The following SPATA3 variants were observed in gnomAD, a reference collection of about 807,000 sequenced individuals.
SPATA3 encodes spermatogenesis associated 3.
Under a neutral mutation model 5.7 loss-of-function variants are expected in SPATA3, and 6 were observed. The observed-to-expected ratio is 1.06, with a 90% CI of 0.58 to 2.09. SPATA3 has a LOEUF of 2.09. SPATA3 is among the 30% of genes most tolerant of loss of function. The pLI, the probability that SPATA3 is intolerant of heterozygous loss-of-function variation, is 0.00. For synonymous variants in SPATA3, 44 were observed against 48.4 expected, an observed-to-expected ratio of 0.91 and a Z score of 0.37; for missense variants, 155 against 130.4, an observed-to-expected ratio of 1.19 and a Z score of -0.92.
At chr2:231,010,117 A>G (rs1692744212), downstream of SPATA3, among the ~76,000 whole-genome samples, 1 of 152,262 alleles carries the variant, frequency 6.6e-6, no homozygotes, top group African/African-American at 2.4e-5. Flanking sequence ...CCTGCAAGTT[A>G]TAGGGGCCAA....
At chr2:231,005,683 C>T (rs1692600404), downstream of SPATA3, among the ~76,000 whole-genome samples, 1 of 150,346 alleles carries the variant, frequency 6.7e-6, no homozygotes. Context: ...ACCTCTATCA[C>T]CAGGCCCTGC....
chr2:231,008,123 G>A (rs1487565336), downstream of SPATA3, among the ~76,000 whole-genome samples: 2 of 152,210 alleles, frequency 1.3e-5, no homozygotes, highest in East Asian at 3.9e-4. Flanking sequence ...CTGGGGCGTC[G>A]TGGGATGGGA....
intron 5 of SPATA3, among the ~76,000 whole-genome samples, chr2:231,013,582 C>G (rs1692848083): frequency 6.6e-6 from 1 of 152,064 alleles, no homozygotes; most frequent in Non-Finnish European, 1.5e-5. Flanking sequence ...TCTCCACCTC[C>G]CAGGTTCAAG....
downstream of SPATA3, among the ~76,000 whole-genome samples, chr2:231,008,222 C>T (rs1047778284): frequency 6.6e-6 from 1 of 152,090 alleles, no homozygotes; most frequent in East Asian, 1.9e-4. Context: ...AGAAAGGCTG[C>T]GAGGAGGGAG....
downstream of SPATA3, among the ~76,000 whole-genome samples, chr2:231,004,849 G>GA (rs1208978495): frequency 6.6e-6 from 1 of 152,010 alleles, no homozygotes; most frequent in African/African-American, 2.4e-5. Context: ...GCATTGAGTG[G>GA]AAAAAATGCA....
downstream of SPATA3, among the ~76,000 whole-genome samples, chr2:231,005,892 A>C (rs1189567988): frequency 6.6e-6 from 1 of 151,808 alleles, no homozygotes; most frequent in Admixed American, 6.6e-5. Context: ...GGCTGGGAAT[A>C]GTGGCTCAAA....
intron 1 of SPATA3, chr2:230,996,141 C>G (rs1692107349): frequency 7.3e-7 from 1 of 1,376,340 alleles, no homozygotes; most frequent in Non-Finnish European, 9.7e-7. Flanking sequence ...CCAAGCCAGG[C>G]TCCTAGGGCA....
At chr2:230,997,361 C>T (rs1378488784) in intron 1 of SPATA3, among the ~76,000 whole-genome samples, 6 of 152,278 alleles carry the variant, frequency 3.9e-5, no homozygotes, top group Middle Eastern at 3.4e-3. Flanking sequence ...TCCCCAGCCA[C>T]GTGGAACTGT....
intron 6 of SPATA3, among the ~76,000 whole-genome samples, chr2:231,019,211 C>T (rs1434204655): frequency 1.3e-4 from 19 of 151,172 alleles, no homozygotes; most frequent in African/African-American, 2.9e-4. Flanking sequence ...CCTTGTGATC[C>T]GCCCACCTTG....
At chr2:231,004,119 G>GT (rs1005625780), downstream of SPATA3, 29 of 152,190 alleles carry the variant, frequency 1.9e-4, no homozygotes, top group African/African-American at 7.0e-4. Flanking sequence ...AGTCCAGAAG[G>GT]TAAACTCCAG....
downstream of SPATA3, among the ~76,000 whole-genome samples, chr2:231,006,312 C>T (rs568724770): frequency 8.0e-5 from 12 of 150,528 alleles, no homozygotes; most frequent in Non-Finnish European, 1.6e-4. Context: ...CCATCCTGGC[C>T]AACACGGTGA....
At chr2:231,017,311 G>A (rs1692959411) in intron 6 of SPATA3, among the ~76,000 whole-genome samples, 1 of 152,182 alleles carries the variant, frequency 6.6e-6, no homozygotes, top group South Asian at 2.1e-4. Flanking sequence ...GCCTTCCGTG[G>A]TATCAGCTTC....
intron 1 of SPATA3, among the ~76,000 whole-genome samples, chr2:230,996,790 T>C (rs938847542): frequency 6.6e-6 from 1 of 152,206 alleles, no homozygotes; most frequent in Non-Finnish European, 1.5e-5. Flanking sequence ...TCCATAGTAA[T>C]ACTTGCTCAC....
chr2:231,008,134 G>T (rs1286178925), downstream of SPATA3, among the ~76,000 whole-genome samples: 4 of 152,234 alleles, frequency 2.6e-5, no homozygotes, highest in African/African-American at 9.6e-5. Flanking sequence ...TGGGATGGGA[G>T]AATGGAGAAC....
At chr2:231,005,226 CCAT>C (rs1692530586), downstream of SPATA3, among the ~76,000 whole-genome samples, 1 of 105,446 alleles carries the variant, frequency 9.5e-6, no homozygotes, top group Admixed American at 9.7e-5. Context: ...ACCATCATCA[CCAT>C]CACCATCACC....
downstream of SPATA3, among the ~76,000 whole-genome samples, chr2:231,005,019 CCATCACCAT>C (rs1559197161): frequency 3.1e-5 from 3 of 97,316 alleles, no homozygotes; most frequent in Admixed American, 1.0e-4. Context: ...ACCATCATCA[CCATCACCAT>C]CATCACCATC....
intron 5 of SPATA3, chr2:231,012,706 C>A (rs565832255): frequency 6.6e-6 from 1 of 152,222 alleles, no homozygotes; most frequent in East Asian, 1.9e-4. Context: ...AGGTGAGTCC[C>A]CGTAGCTGAA....
At chr2:230,996,750 C>A (rs778185010) in intron 1 of SPATA3, among the ~76,000 whole-genome samples, 31 of 152,302 alleles carry the variant, frequency 2.0e-4, no homozygotes, top group Admixed American at 7.2e-4. Context: ...CTGAAGACAG[C>A]CACACATACA....
intron 2 of SPATA3, among the ~76,000 whole-genome samples, chr2:231,001,932 G>C (rs1251971038): frequency 6.6e-6 from 1 of 152,210 alleles, no homozygotes; most frequent in Non-Finnish European, 1.5e-5. Flanking sequence ...AACAGCATGT[G>C]AGCCGAGTCC....
Sources: allele counts gnomAD v4.1 joint callset (sites outside exome capture counted in the v4.1 genomes callset), GRCh38; gene constraint gnomAD v4.1.1; transcripts MANE v1.5; gene names NCBI Gene and HGNC (gene_info 2026-07-23, HGNC 2026-07-21).